The following CRPPA variants were observed in gnomAD, a reference collection of about 807,000 sequenced individuals.
The protein encoded by CRPPA is D-ribitol-5-phosphate cytidylyltransferase.
In CRPPA, 43 loss-of-function variants were observed where a neutral mutation model predicts 52.0. That is an observed-to-expected ratio of 0.83 (90% CI 0.65 to 1.07). CRPPA has a LOEUF of 1.07. Among genes scored for constraint, CRPPA ranks in the 50% least tolerant of loss-of-function variants. CRPPA has a pLI of 0.00. For synonymous variants in CRPPA, 250 were observed against 203.5 expected (o/e 1.23, Z -1.94); for missense variants, 629 against 551.7 (o/e 1.14, Z -1.40).
In CRPPA at chr7:16,089,424, CAT is replaced by C; in HGVS notation, c.*2269_*2270del. On this transcript the variant is annotated 3_prime_UTR_variant, in exon 10 of 10. Transcript: ENST00000407010. ...TAATGTGTATATATGTACGTACATACATATATGTGTATATATGTACGTGCATA... is the reference window on the plus strand; with the variant it reads ...TAATGTGTATATATGTACGTACATACATATGTGTATATATGTACGTGCATA... The C allele has an allele frequency of 3.2e-6, 1 of 310,226 alleles. No individual in the cohort carries two copies. Among genetic ancestry groups the C allele is most frequent in the South Asian group, 2.1e-5 (1 of 47,162 alleles). 19.2% of individuals were successfully genotyped at this position (310,226 alleles called of 1,614,324 possible).
chr7:16,378,988 T>C (rs998971237), intron 2 of CRPPA, among the ~76,000 whole-genome samples: 20 of 152,158 alleles, frequency 1.3e-4, no homozygotes, highest in Non-Finnish European at 2.4e-4. Context: ...TTTGAGTTCA[T>C]TGTAGATTCT....
chr7:16,315,377 C>A (rs930656436), intron 3 of CRPPA, among the ~76,000 whole-genome samples: 1 of 152,140 alleles, frequency 6.6e-6, no homozygotes, highest in Admixed American at 6.6e-5. Flanking sequence ...CTTATGCTCA[C>A]TATTTCTTAT....
intron 8 of CRPPA, among the ~76,000 whole-genome samples, chr7:16,223,525 G>A (rs1782574427): frequency 6.6e-6 from 1 of 152,144 alleles, no homozygotes; most frequent in Non-Finnish European, 1.5e-5. Flanking sequence ...AAGGCGTGAT[G>A]ATGACATGAA....
intron 8 of CRPPA, among the ~76,000 whole-genome samples, chr7:16,226,713 A>T (rs1782661576): frequency 6.6e-6 from 1 of 151,940 alleles, no homozygotes; most frequent in African/African-American, 2.4e-5. Flanking sequence ...TAAGATTGAT[A>T]AGTTTACACA....
At chr7:16,245,697 G>A (rs541188103) in intron 8 of CRPPA, among the ~76,000 whole-genome samples, 72 of 152,236 alleles carry the variant, frequency 4.7e-4, no homozygotes, top group Non-Finnish European at 8.8e-4. Flanking sequence ...AAAATATTGG[G>A]AGTTTCCCTC....
At chr7:16,394,701 A>G (rs1269761896) in intron 2 of CRPPA, among the ~76,000 whole-genome samples, 1 of 152,184 alleles carries the variant, frequency 6.6e-6, no homozygotes, top group Non-Finnish European at 1.5e-5. Flanking sequence ...CAGGATTGGT[A>G]AATTCCACAA....
intron 5 of CRPPA, among the ~76,000 whole-genome samples, chr7:16,300,396 G>A (rs1372064565): frequency 1.3e-5 from 2 of 152,196 alleles, no homozygotes; most frequent in African/African-American, 2.4e-5. Flanking sequence ...ACCTGAGCAT[G>A]TAGTTCTAGC....
Position 16,332,631 on chromosome 7 carries a change from A to G in CRPPA, c.685-24004T>C, listed in dbSNP as rs192613723. Among the ~76,000 whole-genome samples, 4 of 152,284 alleles carry G rather than the reference A, an allele frequency of 2.6e-5. No individual in the cohort carries two copies. The East Asian group carries it at 7.7e-4, about 29-fold the overall frequency. On this transcript the variant is annotated intron_variant, in intron 3 of 9. Transcript: ENST00000407010. ...TAGCAACTATGGCAAAAACTGAAAG[A>G]ATGTAATGGGGGAAAGCTATTACTG... is the stretch of plus-strand genomic sequence containing the variant.
At chr7:16,414,605 G>A (rs1788148988) in intron 1 of CRPPA, among the ~76,000 whole-genome samples, 1 of 152,162 alleles carries the variant, frequency 6.6e-6, no homozygotes, top group Non-Finnish European at 1.5e-5. Context: ...ATTTCTTGGA[G>A]CAACATTTCC....
intron 9 of CRPPA, among the ~76,000 whole-genome samples, chr7:16,175,178 A>C (rs889501556): frequency 6.6e-5 from 10 of 152,200 alleles, no homozygotes; most frequent in East Asian, 1.9e-4. Context: ...AAAACTGGAC[A>C]AATTTGAAAG....
At chr7:16,159,597 C>T (rs1370635226) in intron 9 of CRPPA, among the ~76,000 whole-genome samples, 1 of 152,108 alleles carries the variant, frequency 6.6e-6, no homozygotes, top group Non-Finnish European at 1.5e-5. Context: ...TTTTCTTTAT[C>T]CAGTCTATCA....
chr7:16,117,703 C>G (rs943564269), intron 9 of CRPPA, among the ~76,000 whole-genome samples: 10 of 152,318 alleles, frequency 6.6e-5, no homozygotes, highest in African/African-American at 2.4e-4. Context: ...AAGAGGAATC[C>G]TCTAACATTT....
chr7:16,302,832 T>G (rs1224118464), intron 4 of CRPPA, among the ~76,000 whole-genome samples: 1 of 142,028 alleles, frequency 7.0e-6, no homozygotes, highest in Non-Finnish European at 1.6e-5. Flanking sequence ...ACTACAGGAC[T>G]GATTTTTTTA....
chr7:16,193,333 T>C (rs1164562772), intron 9 of CRPPA, among the ~76,000 whole-genome samples: 3 of 152,232 alleles, frequency 2.0e-5, no homozygotes, highest in South Asian at 4.1e-4. Flanking sequence ...AATATTTGTT[T>C]GTAGTATATA....
chr7:16,409,695 C>T (rs1157702337), intron 1 of CRPPA, among the ~76,000 whole-genome samples: 4 of 152,196 alleles, frequency 2.6e-5, no homozygotes, highest in African/African-American at 4.8e-5. Flanking sequence ...CTTTACAATA[C>T]TTCTACACGA....
rs1187472892 is a variant in CRPPA, at chr7:16,090,482, T to C, written c.*1213A>G. 2.1e-5 allele frequency: 3 copies of C among 143,378 alleles called. No homozygotes were observed. In the Admixed American group the frequency reaches 2.3e-4, roughly 11 times the overall value. The allele number at this position is 143,378 out of a possible 1,614,324, so 8.9% of individuals were successfully genotyped here. On this transcript the variant is annotated 3_prime_UTR_variant, in exon 10 of 10. Transcript: ENST00000407010. ...ATTTTGGGAGGCCGAGGCAGGCAGATCACTTGAGGTCAGGAGTTCAAGACC... is the reference window on the plus strand; with the variant it reads ...ATTTTGGGAGGCCGAGGCAGGCAGACCACTTGAGGTCAGGAGTTCAAGACC...
intron 8 of CRPPA, among the ~76,000 whole-genome samples, chr7:16,236,680 T>A (rs1371646805): frequency 6.6e-6 from 1 of 152,142 alleles, no homozygotes; most frequent in Non-Finnish European, 1.5e-5. Context: ...ATTCTTACCA[T>A]CTTCCTGTCT....
chr7:16,156,690 TAC>T (rs1489878861), intron 9 of CRPPA, among the ~76,000 whole-genome samples: 1 of 152,188 alleles, frequency 6.6e-6, no homozygotes, highest in Non-Finnish European at 1.5e-5. Flanking sequence ...TCCATCAAAA[TAC>T]AGAGGTTTCA....
intron 9 of CRPPA, among the ~76,000 whole-genome samples, chr7:16,158,603 A>T (rs970986098): frequency 1.3e-5 from 2 of 152,204 alleles, no homozygotes; most frequent in Admixed American, 6.5e-5. Flanking sequence ...CATGTATTGT[A>T]ATTGAATCTA....
Sources: allele counts gnomAD v4.1 joint callset (sites outside exome capture counted in the v4.1 genomes callset), GRCh38; gene constraint gnomAD v4.1.1; transcripts MANE v1.5; gene names NCBI Gene and HGNC (gene_info 2026-07-23, HGNC 2026-07-21).